Variants in CDK5RAP2 observed in about 807,000 individuals in gnomAD.
CDK5RAP2 encodes the protein CDK5 regulatory subunit-associated protein 2.
In CDK5RAP2, 147 loss-of-function variants were observed where a neutral mutation model predicts 232.9. That is an observed-to-expected ratio of 0.63 (90% CI 0.55 to 0.72). The LOEUF is 0.72. CDK5RAP2 is among the 30% of genes least tolerant of loss of function. CDK5RAP2 has a pLI of 0.00. For missense variants in CDK5RAP2, 2,195 were observed against 2,231.5 expected (o/e 0.98, Z 0.33); for synonymous variants, 833 against 833.7 (o/e 1.00, Z 0.01).
At chr9:120,482,257 T>C (rs2038362073) in intron 14 of CDK5RAP2, among the ~76,000 whole-genome samples, 1 of 152,226 alleles carries the variant, frequency 6.6e-6, no homozygotes, top group South Asian at 2.1e-4. Context: ...ACAGGACCTC[T>C]GCAGGCTGGC....
intron 8 of CDK5RAP2, among the ~76,000 whole-genome samples, chr9:120,529,665 C>A (rs915293879): frequency 4.6e-5 from 7 of 152,202 alleles, no homozygotes; most frequent in Non-Finnish European, 8.8e-5. Context: ...TGCACCACAA[C>A]TGTATCCTAA....
At chr9:120,436,825 C>A (rs953246431) in intron 25 of CDK5RAP2, among the ~76,000 whole-genome samples, 1 of 152,140 alleles carries the variant, frequency 6.6e-6, no homozygotes, top group African/African-American at 2.4e-5. Flanking sequence ...TTTCACCCTT[C>A]CTCTGGCCAT....
intron 36 of CDK5RAP2, among the ~76,000 whole-genome samples, chr9:120,391,192 G>A (rs569694357): frequency 6.6e-6 from 1 of 152,258 alleles, no homozygotes; most frequent in Admixed American, 6.5e-5. Flanking sequence ...CAGCTGTGGA[G>A]GTTGAAGATG....
At chr9:120,518,718 C>G in intron 11 of CDK5RAP2, 73 bp from the exon 12 acceptor site, 4 of 1,218,628 alleles carry the variant, frequency 3.3e-6, no homozygotes, top group South Asian at 2.5e-5. Flanking sequence ...AACCTGGGCT[C>G]TTTTTCGCCG....
intron 18 of CDK5RAP2, among the ~76,000 whole-genome samples, chr9:120,464,706 A>G (rs1043273761): frequency 9.9e-5 from 15 of 152,202 alleles, no homozygotes; most frequent in Admixed American, 9.8e-4. Flanking sequence ...TGGTGTTGCT[A>G]AACAATTCTA....
chr9:120,577,085 G>C (rs1430706626), intron 1 of CDK5RAP2, among the ~76,000 whole-genome samples: 1 of 152,012 alleles, frequency 6.6e-6, no homozygotes, highest in Non-Finnish European at 1.5e-5. Context: ...AGACAGGCTG[G>C]GCGCAATGGC....
Position 120,471,731 on chromosome 9 carries a change from T to A in CDK5RAP2, c.1858+17A>T, listed in dbSNP as rs554769272. 12 of 1,613,934 alleles carry A rather than the reference T, an allele frequency of 7.4e-6. No individual in the cohort carries two copies. The East Asian group carries it at 2.5e-4, about 33-fold the overall frequency. ...AGTGGAAAAACCAAAGAGAAGCACA[T>A]AGAATAAAGTGTGTACCTTCCCGCC... On this transcript the variant is annotated intron_variant, in intron 16 of 37. Transcript: ENST00000349780.
At position 120,536,422 on chromosome 9, in the gene CDK5RAP2, CT is replaced by C. The variant is rs1564352294; in HGVS notation, c.611del (p.Lys204ArgfsTer19). 1 of 1,614,190 alleles carries C rather than the reference CT, an allele frequency of 6.2e-7. No individual in the cohort carries two copies. The highest frequency in any genetic ancestry group is 8.5e-7 in the Non-Finnish European group (1 of 1,180,012). ...CCATCGCCAAGTCCCCCTCGTGCAT[CT>C]TCTTCATCTCTGAAAGCTTGCTTTC... ...RLESKLSEMK[K>X]MHEGDLAMAL... is the part of the protein sequence containing the mutation. On this transcript the variant is annotated frameshift_variant, in exon 7 of 38. Coordinates refer to ENST00000349780, the MANE Select transcript of CDK5RAP2 (RefSeq NM_018249.6). LOFTEE classifies it high-confidence loss of function.
At chr9:120,410,608 C>T (rs921871827) in intron 29 of CDK5RAP2, among the ~76,000 whole-genome samples, 1 of 152,214 alleles carries the variant, frequency 6.6e-6, no homozygotes, top group Non-Finnish European at 1.5e-5. Flanking sequence ...ACAGTCTACA[C>T]GGCCCTGAAG....
chr9:120,491,501 G>T (rs777325850), intron 12 of CDK5RAP2, 24 bp from the exon 13 acceptor site: 3 of 1,578,818 alleles, frequency 1.9e-6, no homozygotes, highest in Non-Finnish European at 1.7e-6. Flanking sequence ...ATGAAAAAAT[G>T]GAATTTACTT....
chr9:120,458,449 C>T lies in CDK5RAP2; in HGVS notation c.2375+1G>A, dbSNP rs753987083. 4 of 1,613,938 alleles carry T rather than the reference C, an allele frequency of 2.5e-6. No individual in the cohort carries two copies. Among genetic ancestry groups the T allele is most frequent in the Non-Finnish European group, 3.4e-6 (4 of 1,179,954 alleles). On this transcript the variant is annotated splice_donor_variant, in intron 20 of 37. Coordinates refer to ENST00000349780, the MANE Select transcript of CDK5RAP2 (RefSeq NM_018249.6). LOFTEE classifies it high-confidence loss of function. ...AAGGAATGCCTGGGCCCCATGTATA[C>T]CTGGATTCCAGTAATAATGTGGCCT... is the stretch of plus-strand genomic sequence containing the variant.
At chr9:120,501,050 G>C (rs969406955) in intron 12 of CDK5RAP2, among the ~76,000 whole-genome samples, 4 of 152,196 alleles carry the variant, frequency 2.6e-5, no homozygotes, top group African/African-American at 9.7e-5. Flanking sequence ...TCCAGGCAAG[G>C]TGCTAGACAC....
rs1447003331 is a variant in CDK5RAP2, at chr9:120,408,488, A to T, written c.4605-20T>A. 6.2e-7 allele frequency: 1 copy of T among 1,613,904 alleles called. No individual in the cohort carries two copies. On this transcript the variant is annotated intron_variant, in intron 30 of 37. Transcript: ENST00000349780. ...TGCACCCTGAGAAGGCCCCACAGGC[A>T]TGAGAAGGACAGGTTAATTCTACCT... is the stretch of plus-strand genomic sequence containing the variant.
intron 11 of CDK5RAP2, among the ~76,000 whole-genome samples, chr9:120,519,759 T>C (rs967768842): frequency 6.6e-6 from 1 of 152,268 alleles, no homozygotes; most frequent in African/African-American, 2.4e-5. Context: ...CACATAGCTA[T>C]GGCACATGTA....
intron 3 of CDK5RAP2, among the ~76,000 whole-genome samples, chr9:120,566,565 G>A (rs2042653161): frequency 6.6e-6 from 1 of 152,208 alleles, no homozygotes; most frequent in Admixed American, 6.5e-5. Context: ...GTAAGAAAAG[G>A]AAGAAGCAGT....
intron 12 of CDK5RAP2, among the ~76,000 whole-genome samples, chr9:120,496,829 G>C (rs1423996236): frequency 1.6e-4 from 22 of 141,036 alleles, no homozygotes; most frequent in Admixed American, 8.2e-4. Flanking sequence ...CCGTCCGGGA[G>C]GTGAGGGGCG....
chr9:120,437,205 A>T (rs1488112830), intron 25 of CDK5RAP2, 90 bp downstream of exon 25: 1 of 899,024 alleles, frequency 1.1e-6, no homozygotes, highest in Non-Finnish European at 1.8e-6. Context: ...AAGATAACTA[A>T]GGCCAAGGAG....
intron 21 of CDK5RAP2, among the ~76,000 whole-genome samples, chr9:120,449,292 G>T (rs758460007): frequency 3.9e-5 from 6 of 152,220 alleles, no homozygotes; most frequent in Non-Finnish European, 5.9e-5. Context: ...GCCTTCCTCA[G>T]GAAAATGGGA....
intron 25 of CDK5RAP2, among the ~76,000 whole-genome samples, chr9:120,426,772 T>C (rs1198064608): frequency 6.6e-6 from 1 of 152,196 alleles, no homozygotes; most frequent in Non-Finnish European, 1.5e-5. Context: ...TGGGGTACAA[T>C]ACTTTGATTT....
Sources: gnomAD v4.1 joint callset for allele counts (sites outside exome capture counted in the v4.1 genomes callset) on GRCh38, gnomAD v4.1.1 for gene constraint, MANE v1.5 for transcripts, NCBI Gene and HGNC (gene_info 2026-07-23, HGNC 2026-07-21) for gene names.